Variants in GPAT2 observed in about 807,000 individuals in gnomAD.
The protein encoded by GPAT2 is 1-acylglycerol-3-phosphate O-acyltransferase GPAT2.
A neutral mutation model predicts 71.0 loss-of-function variants in GPAT2; 51 were observed. That is an observed-to-expected ratio of 0.72 (90% confidence interval 0.57 to 0.91). The LOEUF is 0.91. Among genes scored for constraint, GPAT2 ranks in the 40% least tolerant of loss-of-function variants. GPAT2 has a pLI of 0.00. For synonymous variants in GPAT2, 222 were observed against 290.3 expected, an observed-to-expected ratio of 0.76 and a Z score of 2.39; for missense variants, 511 against 666.0, an observed-to-expected ratio of 0.77 and a Z score of 2.56.
intron 1 of GPAT2, among the ~76,000 whole-genome samples, chr2:96,034,021 C>T (rs1470740021): frequency 1.3e-5 from 2 of 151,626 alleles, no homozygotes; most frequent in East Asian, 1.9e-4. Context: ...TATACACACA[C>T]ATATATACAT....
At chr2:96,023,085 G>A (rs770550625) in intron 19 of GPAT2, 21 bp downstream of exon 19, 1 of 1,613,856 alleles carries the variant, frequency 6.2e-7, no homozygotes, top group East Asian at 2.2e-5. Flanking sequence ...CTCGAGGACT[G>A]CAAGGGAACA....
At position 96,024,204 on chromosome 2, in the gene GPAT2, G is replaced by C; in HGVS notation, c.1821C>G (p.Asp607Glu). 6.5e-7 allele frequency: 1 copy of C among 1,532,886 alleles called. No homozygotes were observed. The highest frequency in any genetic ancestry group is 8.8e-7 in the Non-Finnish European group (1 of 1,135,596). 95.0% of individuals were successfully genotyped at this position (1,532,886 alleles called of 1,614,324 possible). The stretch of plus-strand genomic sequence containing the variant: ...GAGGCCTGACCTTTAGCAGCAGCAG[G>C]TCTTGCGGCAGCAGGTGCATCAGCA... The part of the protein sequence containing the change: ...ILLLMHLLPQ[D>E]LLLLKPCQSS... Residue 607 changes from aspartate to glutamate, a missense_variant, in exon 16 of 22, where the codon GAC becomes GAG. Physicochemically the swap from Asp to Glu is conservative, Grantham distance 45 (BLOSUM62 2). Coordinates refer to ENST00000434632, the MANE Select transcript of GPAT2 (RefSeq NM_001321527.2).
At chr2:96,025,380 C>T (rs1680283962) in intron 13 of GPAT2, 105 bp downstream of exon 13, 2 of 1,418,794 alleles carry the variant, frequency 1.4e-6, no homozygotes, top group Admixed American at 2.7e-5. Context: ...CACAGAGCAC[C>T]TCAGGTGCAG....
At chr2:96,033,870 T>G (rs1680833127) in intron 1 of GPAT2, among the ~76,000 whole-genome samples, 2 of 113,854 alleles carry the variant, frequency 1.8e-5, no homozygotes, top group African/African-American at 3.3e-5. Flanking sequence ...TGGCAAGGGG[T>G]TATTCCCATC....
Position 96,023,916 on chromosome 2 carries a change from T to C in GPAT2, c.1914+7A>G, listed in dbSNP as rs1431819652. On this transcript the variant is annotated splice_region_variant and intron_variant, in intron 17 of 21. Transcript: ENST00000434632. The stretch of plus-strand genomic sequence containing the variant: ...GCAAGGATCTTGTCTCCAACTGCCC[T>C]GCCTACCTCCTCAGCAACCAGGAGC... 1.9e-6 allele frequency: 3 copies of C among 1,586,816 alleles called. No homozygotes were observed. The Admixed American group carries it at 5.3e-5, about 28-fold the overall frequency.
rs201593639 is a variant in GPAT2, at chr2:96,022,985, C to T, written c.2206G>A (p.Ala736Thr). Reference protein sequence around the residue: ...YTEQLFQFLQATAQEEGIFEC... With the variant: ...YTEQLFQFLQTTAQEEGIFEC... ...AAGATCCCTTCTTCCTGGGCGGTGG[C>T]CTGCAGGAACTGGAACAGCTGCTCT... Residue 736 changes from alanine to threonine, a missense_variant, in exon 20 of 22, where the codon GCC becomes ACC. This residue lies in a region of GPAT2 where 108 missense variants were observed against 117.6 expected (regional missense o/e 0.92). Coordinates refer to ENST00000434632, the MANE Select transcript of GPAT2 (RefSeq NM_001321527.2). 145 of 1,613,816 alleles carry T rather than the reference C, an allele frequency of 9.0e-5. No individual in the cohort carries two copies. The highest frequency in any genetic ancestry group is 1.2e-4 in the Non-Finnish European group (137 of 1,179,850).
At position 96,026,242 on chromosome 2, in the gene GPAT2, A is replaced by G; in HGVS notation, c.1096T>C (p.Trp366Arg). 3 of 1,610,764 alleles carry G rather than the reference A, an allele frequency of 1.9e-6. No individual in the cohort carries two copies. Among genetic ancestry groups the G allele is most frequent in the Non-Finnish European group, 8.5e-7 (1 of 1,178,908 alleles). ...LAVLRSLWSR[W>R]GCSHRICSRV... ...GAGCAGATCCGGTGGCTGCAGCCCC[A>G]GCGGCTCCACAAGCTACGTAGGACA... is the stretch of plus-strand genomic sequence containing the variant. The change falls in exon 11 of 22, where the codon TGG becomes CGG. Residue 366 changes from tryptophan to arginine, a missense_variant. By Grantham distance (101) the Trp-to-Arg change is moderately radical. This residue lies in a region of GPAT2 where 79 missense variants were observed against 111.4 expected (regional missense o/e 0.71). Transcript: ENST00000434632.
Position 96,022,232 on chromosome 2 carries a change from A to C in GPAT2, c.2333T>G (p.Leu778Arg), listed in dbSNP as rs1679750642. 1.2e-6 allele frequency: 2 copies of C among 1,609,374 alleles called. No individual in the cohort carries two copies. Among genetic ancestry groups the C allele is most frequent in the Non-Finnish European group, 1.7e-6 (2 of 1,178,276 alleles). Residue 778 changes from leucine to arginine, a missense_variant, in exon 22 of 22, where the codon CTG (leucine) becomes CGG (arginine). Leu to Arg is a moderately radical substitution (Grantham distance 102). Coordinates refer to ENST00000434632, the MANE Select transcript of GPAT2 (RefSeq NM_001321527.2). ...TPSPAGPRLH[L>R]SPTFASLDNQ... Reference sequence around the variant, plus strand: ...GTCCAGGCTGGCAAAAGTAGGGGACAGGTGGAGCCTGGGGCCTGCAGGGCT... The same window carrying C: ...GTCCAGGCTGGCAAAAGTAGGGGACCGGTGGAGCCTGGGGCCTGCAGGGCT...
chr2:96,025,869 A>G (rs1573861942), intron 12 of GPAT2, 61 bp downstream of exon 12: 1 of 1,485,884 alleles, frequency 6.7e-7, no homozygotes, highest in East Asian at 2.3e-5. Flanking sequence ...GGGGATACAT[A>G]AGCTGGTGCT....
Position 96,026,226 on chromosome 2 carries a change from C to A in GPAT2, c.1112G>T (p.Arg371Leu), listed in dbSNP as rs373174854. Reference protein sequence around the residue: ...SLWSRWGCSHRICSRVHLAQP... With the variant: ...SLWSRWGCSHLICSRVHLAQP... ...AGCTAGGTGCACCCGGGAGCAGATC[C>A]GGTGGCTGCAGCCCCAGCGGCTCCA... is the stretch of plus-strand genomic sequence containing the variant. The change falls in exon 11 of 22, where the codon CGG (arginine) becomes CTG (leucine). Residue 371 changes from arginine (R) to leucine (L), a missense_variant. Transcript: ENST00000434632. 1 of 1,611,560 alleles carries A rather than the reference C, an allele frequency of 6.2e-7. No individual in the cohort carries two copies. The highest frequency in any genetic ancestry group is 8.5e-7 in the Non-Finnish European group (1 of 1,179,158).
chr2:96,024,055 G>A (rs1680065747), intron 16 of GPAT2, 55 bp from the exon 17 acceptor site: 1 of 1,582,924 alleles, frequency 6.3e-7, no homozygotes, highest in Non-Finnish European at 8.6e-7. Flanking sequence ...ATGGGCAGGG[G>A]CCTAGCCAAA....
chr2:96,025,639 C>T (rs1680320242), intron 12 of GPAT2, 36 bp from the exon 13 acceptor site: 1 of 1,482,264 alleles, frequency 6.7e-7, no homozygotes, highest in Non-Finnish European at 9.1e-7. Context: ...ATGAAGGGTC[C>T]AAACACAAAA....
Position 96,023,387 on chromosome 2 carries a change from C to G in GPAT2, c.1968G>C (p.Lys656Asn). 6.2e-7 allele frequency: 1 copy of G among 1,614,198 alleles called. No individual in the cohort carries two copies. The highest frequency in any genetic ancestry group is 8.5e-7 in the Non-Finnish European group (1 of 1,180,032). ...CDTGRQRLSR[K>N]LLWKPSGDFT... ...AGTCCCCACTCGGTTTCCACAGCAG[C>G]TTTCTGCTCAATCGCTGTCGCCCTG... Residue 656 changes from lysine (K) to asparagine (N), a missense_variant, in exon 18 of 22, where the codon AAG becomes AAC. Coordinates refer to ENST00000434632, the MANE Select transcript of GPAT2 (RefSeq NM_001321527.2).
At chr2:96,022,381 C>T in intron 21 of GPAT2, 106 bp from the exon 22 acceptor site, 1 of 1,311,168 alleles carries the variant, frequency 7.6e-7, no homozygotes, top group Non-Finnish European at 1.0e-6. Context: ...GACCTCTGGC[C>T]CCTTAGACCT....
chr2:96,026,459 A>G (rs2104656366), intron 10 of GPAT2, 154 bp from the exon 11 acceptor site: 1 of 598,874 alleles, frequency 1.7e-6, no homozygotes, highest in East Asian at 3.1e-5. Context: ...CCTTGTCCCA[A>G]GCTCCTCTTT....
intron 21 of GPAT2, 32 bp from the exon 22 acceptor site, chr2:96,022,307 T>C (rs1217641613): frequency 2.7e-5 from 42 of 1,558,018 alleles, no homozygotes; most frequent in Non-Finnish European, 3.3e-5. Flanking sequence ...GTGAGTGCGC[T>C]CACCACAGGG....
intron 14 of GPAT2, 22 bp downstream of exon 14, chr2:96,024,751 C>G: frequency 6.2e-7 from 1 of 1,614,004 alleles, no homozygotes; most frequent in South Asian, 1.1e-5. Flanking sequence ...CGCCCAGGTC[C>G]CCACCACATT....
chr2:96,033,970 T>C (rs1464740716), intron 1 of GPAT2, among the ~76,000 whole-genome samples: 36 of 151,268 alleles, frequency 2.4e-4, no homozygotes, highest in African/African-American at 7.0e-4. Flanking sequence ...CACATATATA[T>C]ACACACACAT....
rs748215057 is a variant in GPAT2 at position 96,024,855 on chromosome 2, C to T, written c.1358-12G>A. ...GCTCCCTACACTGGCTGGAGTGGGGCGGGGGGTGGAGATGCTGGTCAGGTT... is the reference window on the plus strand; with the variant it reads ...GCTCCCTACACTGGCTGGAGTGGGGTGGGGGGTGGAGATGCTGGTCAGGTT... On this transcript the variant is annotated splice_polypyrimidine_tract_variant and intron_variant, in intron 13 of 21. Coordinates refer to ENST00000434632, the MANE Select transcript of GPAT2 (RefSeq NM_001321527.2). 1.5e-5 allele frequency: 24 copies of T among 1,612,232 alleles called. No homozygotes were observed. The South Asian group carries it at 2.1e-4, about 14-fold the overall frequency.
Sources: allele counts gnomAD v4.1 joint callset (sites outside exome capture counted in the v4.1 genomes callset), GRCh38; gene constraint gnomAD v4.1.1; regional missense constraint gnomAD v4.1.1; transcripts MANE v1.5; gene names NCBI Gene and HGNC (gene_info 2026-07-23, HGNC 2026-07-21).